Variants in CSMD1 observed in about 807,000 individuals in gnomAD.
CSMD1 encodes the protein CUB and sushi domain-containing protein 1.
Under a neutral mutation model 417.5 loss-of-function variants are expected in CSMD1, and 213 were observed. The ratio of observed to expected loss-of-function variants is 0.51; its 90% CI spans 0.46 to 0.57. The LOEUF (loss-of-function observed/expected upper bound fraction) is 0.57. Ranked by LOEUF, CSMD1 falls within the 20% of genes least tolerant of loss-of-function variation. The probability of loss-of-function intolerance (pLI) is 0.00; values close to 1 mark genes in which losing one functional copy is unlikely to be tolerated. For synonymous variants in CSMD1, 2,862 were observed against 1,736.8 expected (o/e 1.65, Z -16.11); for missense variants, 6,923 against 4,529.7 (o/e 1.53, Z -15.17).
Position 4,837,553 on chromosome 8 carries a change from A to C in CSMD1, c.85+156779T>G, listed in dbSNP as rs934058994. 2.0e-5 allele frequency among the ~76,000 whole-genome samples: 3 copies of C among 152,260 alleles called. No individual in the cohort carries two copies. The South Asian group carries it at 6.2e-4, about 32-fold the overall frequency. On this transcript the variant is annotated intron_variant, in intron 1 of 69. Transcript: ENST00000635120. ...TTGGTTCTTATCTGTGGAATCTAAA[A>C]ATCAAAACAATTAAGCTCATGAACA... is the stretch of plus-strand genomic sequence containing the variant.
At chr8:3,359,596 G>T (rs569899005) in intron 20 of CSMD1, among the ~76,000 whole-genome samples, 35 of 151,668 alleles carry the variant, frequency 2.3e-4, no homozygotes, top group African/African-American at 7.7e-4. Flanking sequence ...AGGCTGGGAA[G>T]GGGGTGTATG....
intron 3 of CSMD1, among the ~76,000 whole-genome samples, chr8:4,179,768 A>T (rs923150892): frequency 2.0e-5 from 3 of 151,682 alleles, no homozygotes; most frequent in Non-Finnish European, 4.4e-5. Flanking sequence ...AGTGGTGAAC[A>T]ATATGAACAG....
At chr8:3,066,738 T>C (rs1292323697) in intron 49 of CSMD1, among the ~76,000 whole-genome samples, 1 of 152,114 alleles carries the variant, frequency 6.6e-6, no homozygotes, top group Admixed American at 6.5e-5. Context: ...ATTCTGATAA[T>C]TGCATGGTAA....
intron 37 of CSMD1, among the ~76,000 whole-genome samples, chr8:3,179,605 C>T (rs576222433): frequency 8.1e-4 from 124 of 152,290 alleles, no homozygotes; most frequent in Non-Finnish European, 1.5e-3. Flanking sequence ...AATTATTTCA[C>T]TAGCCCCTCT....
intron 7 of CSMD1, among the ~76,000 whole-genome samples, chr8:3,686,384 C>A (rs143902330): frequency 6.6e-6 from 1 of 152,150 alleles, no homozygotes; most frequent in African/African-American, 2.4e-5. Context: ...TGCCGCCACA[C>A]TGACGATGAG....
At chr8:4,562,882 T>G (rs189372285) in intron 2 of CSMD1, among the ~76,000 whole-genome samples, 2 of 152,284 alleles carry the variant, frequency 1.3e-5, no homozygotes, top group Admixed American at 6.5e-5. Flanking sequence ...CCTTAGTAAG[T>G]AACCTCCTTT....
chr8:3,310,085 A>G (rs1313490118), intron 23 of CSMD1, among the ~76,000 whole-genome samples: 1 of 152,240 alleles, frequency 6.6e-6, no homozygotes, highest in African/African-American at 2.4e-5. Context: ...ACAAAGGGAT[A>G]TGCTAAATGT....
At position 4,025,892 on chromosome 8, in the gene CSMD1, T is replaced by C. The variant is rs554081043; in HGVS notation, c.610+6013A>G. On this transcript the variant is annotated intron_variant, in intron 4 of 69. Coordinates refer to ENST00000635120, the MANE Select transcript of CSMD1 (RefSeq NM_033225.6). ...AAGAACATCACGGCTACATATATAA[T>C]ACATTTAGGTGTCATTATTCAGGGA... Among the ~76,000 whole-genome samples, 65 of 152,196 alleles carry C rather than the reference T, an allele frequency of 4.3e-4. 1 individual carries two copies. Among genetic ancestry groups the C allele is most frequent in the African/African-American group, 9.9e-4 (41 of 41,536 alleles).
intron 39 of CSMD1, among the ~76,000 whole-genome samples, chr8:3,157,410 G>C (rs1209684858): frequency 6.6e-6 from 1 of 152,158 alleles, no homozygotes; most frequent in African/African-American, 2.4e-5. Flanking sequence ...GAAGCCGGCT[G>C]ATTGTGCCCC....
chr8:4,158,082 G>A (rs1329710055), intron 3 of CSMD1, among the ~76,000 whole-genome samples: 2 of 113,266 alleles, frequency 1.8e-5, no homozygotes, highest in African/African-American at 3.0e-5. Context: ...TACAATACAA[G>A]AAAACCCTTT....
chr8:3,704,034 G>C (rs1801023868), intron 7 of CSMD1, among the ~76,000 whole-genome samples: 1 of 152,120 alleles, frequency 6.6e-6, no homozygotes, highest in Non-Finnish European at 1.5e-5. Flanking sequence ...TCCTGCCACT[G>C]CACTCCAACC....
At chr8:3,630,386 G>C (rs780442116) in intron 7 of CSMD1, among the ~76,000 whole-genome samples, 2 of 152,182 alleles carry the variant, frequency 1.3e-5, no homozygotes, top group South Asian at 2.1e-4. Context: ...GAAGGAACGA[G>C]ACTGGAGTAT....
Position 3,182,906 on chromosome 8 carries a change from TAGAGAAG to T in CSMD1, c.5621-1699_5621-1693del, listed in dbSNP as rs1563119888. ...TGTGTGTGTGTGTGTGTATTGTTAGTAGAGAAGGGGTTGTTAGTAGAGAAGGGGTTGT... is the reference window on the plus strand; with the variant it reads ...TGTGTGTGTGTGTGTGTATTGTTAGTGGGTTGTTAGTAGAGAAGGGGTTGT... On this transcript the variant is annotated intron_variant, in intron 36 of 69. Coordinates refer to ENST00000635120, the MANE Select transcript of CSMD1 (RefSeq NM_033225.6). 4.2e-3 allele frequency: 107 copies of T among 25,182 alleles called. 1 individual carries two copies. The highest frequency in any genetic ancestry group is 0.026 in the Middle Eastern group (1 of 38). The allele number at this position is 25,182 out of a possible 1,614,324, so 1.6% of individuals were successfully genotyped here.
chr8:4,315,963 G>A (rs1798901964), intron 3 of CSMD1, among the ~76,000 whole-genome samples: 1 of 151,762 alleles, frequency 6.6e-6, no homozygotes, highest in South Asian at 2.1e-4. Context: ...ATAAAGAACG[G>A]GAAATTTTGT....
chr8:4,786,408 T>C (rs1797402577), intron 1 of CSMD1, among the ~76,000 whole-genome samples: 1 of 152,200 alleles, frequency 6.6e-6, no homozygotes, highest in African/African-American at 2.4e-5. Context: ...AATGAATAAA[T>C]AATCACTTCT....
rs1279756444 is a variant in CSMD1 at position 2,951,183 on chromosome 8, A to G, written c.10132T>C (p.Phe3378Leu). The G allele has an allele frequency of 1.2e-6, 2 of 1,613,586 alleles. No individual in the cohort carries two copies. Among genetic ancestry groups the G allele is most frequent in the Non-Finnish European group, 8.5e-7 (1 of 1,179,684 alleles). Residue 3378 changes from phenylalanine to leucine, a missense_variant, in exon 66 of 70, where the codon TTC (phenylalanine) becomes CTC (leucine). Coordinates refer to ENST00000635120, the MANE Select transcript of CSMD1 (RefSeq NM_033225.6). ...TTCACCTTACTGCTTGTTGCATTGA[A>G]CCAGTCAACAGTTAGAGTGGCGGGT... ...RQPATLTVDWFNATSSKVNAT... is the reference protein window; with the variant it reads ...RQPATLTVDWLNATSSKVNAT...
chr8:3,986,199 T>A (rs1302573617), intron 5 of CSMD1, among the ~76,000 whole-genome samples: 1 of 152,082 alleles, frequency 6.6e-6, no homozygotes, highest in African/African-American at 2.4e-5. Flanking sequence ...TGCCCCTCGG[T>A]CCTGAGATGG....
intron 3 of CSMD1, among the ~76,000 whole-genome samples, chr8:4,384,833 T>G (rs140406430): frequency 3.3e-5 from 5 of 152,290 alleles, no homozygotes; most frequent in Admixed American, 2.0e-4. Context: ...CTAATTTGAG[T>G]AGAGAAAGAG....
intron 49 of CSMD1, among the ~76,000 whole-genome samples, chr8:3,065,608 A>G (rs1260863107): frequency 6.6e-6 from 1 of 152,200 alleles, no homozygotes; most frequent in African/African-American, 2.4e-5. Flanking sequence ...GAAGATAGAA[A>G]GATAGGAAGA....
Sources: gnomAD v4.1 joint callset for allele counts (sites outside exome capture counted in the v4.1 genomes callset) on GRCh38, gnomAD v4.1.1 for gene constraint, MANE v1.5 for transcripts, NCBI Gene and HGNC (gene_info 2026-07-23, HGNC 2026-07-21) for gene names.